The following FCHSD2 variants were observed in gnomAD, a reference collection of about 807,000 sequenced individuals.
FCHSD2 encodes F-BAR and double SH3 domains protein 2.
A neutral mutation model predicts 108.1 loss-of-function variants in FCHSD2; 38 were observed. That is an observed-to-expected ratio of 0.35 (90% CI 0.27 to 0.46). FCHSD2 has a LOEUF of 0.46. Among genes scored for constraint, FCHSD2 ranks in the 20% least tolerant of loss-of-function variants. The pLI, the probability that FCHSD2 is intolerant of heterozygous loss-of-function variation, is 1.00. For synonymous variants in FCHSD2, 279 were observed against 314.7 expected, an observed-to-expected ratio of 0.89 and a Z score of 1.20; for missense variants, 751 against 897.8, an observed-to-expected ratio of 0.84 and a Z score of 2.09.
intron 4 of FCHSD2, among the ~76,000 whole-genome samples, chr11:73,011,045 T>C (rs1305319042): frequency 4.6e-5 from 7 of 152,114 alleles, no homozygotes; most frequent in Non-Finnish European, 7.4e-5. Flanking sequence ...GCTGTGATTG[T>C]AGTGGCAGGG....
chr11:73,021,698 C>T (rs971276132), intron 3 of FCHSD2, among the ~76,000 whole-genome samples: 9 of 151,730 alleles, frequency 5.9e-5, no homozygotes, highest in African/African-American at 2.2e-4. Context: ...ACATGTTACC[C>T]AAATTTAAAA....
chr11:72,944,721 T>G (rs984627522), intron 8 of FCHSD2, among the ~76,000 whole-genome samples: 4 of 152,300 alleles, frequency 2.6e-5, no homozygotes, highest in Admixed American at 2.0e-4. Context: ...ACAAAATCGA[T>G]GTGCAAAAAT....
chr11:73,141,019 G>A (rs1461852322), intron 1 of FCHSD2, among the ~76,000 whole-genome samples: 1 of 152,216 alleles, frequency 6.6e-6, no homozygotes, highest in Non-Finnish European at 1.5e-5. Flanking sequence ...TGCCCACGAG[G>A]GGAGGACAGA....
At chr11:72,993,085 A>C (rs2135409051) in intron 5 of FCHSD2, among the ~76,000 whole-genome samples, 1 of 152,304 alleles carries the variant, frequency 6.6e-6, no homozygotes, top group Middle Eastern at 3.4e-3. Context: ...AACCCCATCA[A>C]AAAGTGGGCA....
intron 2 of FCHSD2, among the ~76,000 whole-genome samples, chr11:73,101,444 T>C (rs1860223431): frequency 6.6e-6 from 1 of 152,108 alleles, no homozygotes; most frequent in Non-Finnish European, 1.5e-5. Flanking sequence ...GTTGTTGTTG[T>C]TGTTGCTGTT....
chr11:73,065,590 T>C (rs902253637), intron 3 of FCHSD2, among the ~76,000 whole-genome samples: 1 of 152,194 alleles, frequency 6.6e-6, no homozygotes, highest in Non-Finnish European at 1.5e-5. Flanking sequence ...GATGACATGA[T>C]TGCATATTTA....
intron 13 of FCHSD2, among the ~76,000 whole-genome samples, chr11:72,864,922 G>A (rs954354494): frequency 2.0e-5 from 3 of 152,156 alleles, no homozygotes; most frequent in African/African-American, 7.2e-5. Context: ...TGTGTCAGTG[G>A]ACTGTTCTCC....
intron 8 of FCHSD2, among the ~76,000 whole-genome samples, chr11:72,961,535 C>A (rs565362249): frequency 6.6e-6 from 1 of 152,102 alleles, no homozygotes; most frequent in African/African-American, 2.4e-5. Flanking sequence ...TGATTACAGG[C>A]GTGAGCCACC....
At chr11:72,992,011 C>T (rs919857854) in intron 5 of FCHSD2, among the ~76,000 whole-genome samples, 3 of 152,104 alleles carry the variant, frequency 2.0e-5, no homozygotes, top group Non-Finnish European at 4.4e-5. Flanking sequence ...TTTAGAAAAC[C>T]CCATCGTCTC....
rs1346981466 is a variant in FCHSD2 at position 72,837,084 on chromosome 11, T to C, written c.*1707A>G. The C allele has an allele frequency of 1.3e-5, 2 of 152,244 alleles. No homozygotes were observed. Among genetic ancestry groups the C allele is most frequent in the Non-Finnish European group, 1.5e-5 (1 of 68,042 alleles). 9.4% of individuals were successfully genotyped at this position (152,244 alleles called of 1,614,324 possible). On this transcript the variant is annotated 3_prime_UTR_variant, in exon 20 of 20. Transcript: ENST00000409418. ...CAAGACTGGGTGGCAAGAACTGCTC[T>C]ATTTAATAAGCATTTGAAGATTTTT...
rs575534322 is a variant in FCHSD2, at chr11:73,126,597, C to T, written c.119+13434G>A. On this transcript the variant is annotated intron_variant, in intron 2 of 19. Transcript: ENST00000409418. ...AATGGCATTTTAGCATCAACTAATA[C>T]GAACTTTTATAATATCTGTTAAATA... Among the ~76,000 whole-genome samples, 29 of 152,060 alleles carry T rather than the reference C, an allele frequency of 1.9e-4. No individual in the cohort carries two copies. The East Asian group carries it at 1.9e-3, about 10-fold the overall frequency.
intron 9 of FCHSD2, among the ~76,000 whole-genome samples, chr11:72,910,377 T>C (rs1349898630): frequency 6.6e-6 from 1 of 151,808 alleles, no homozygotes; most frequent in Non-Finnish European, 1.5e-5. Flanking sequence ...GGCGGTTTTG[T>C]CGAAAAGAAA....
chr11:73,085,801 A>T (rs914740018), intron 2 of FCHSD2, among the ~76,000 whole-genome samples: 3 of 151,370 alleles, frequency 2.0e-5, no homozygotes, highest in African/African-American at 7.3e-5. Flanking sequence ...GTTGATGTTT[A>T]AAAAAAAATG....
intron 4 of FCHSD2, among the ~76,000 whole-genome samples, chr11:73,002,243 T>A (rs943980726): frequency 6.6e-6 from 1 of 152,172 alleles, no homozygotes; most frequent in Non-Finnish European, 1.5e-5. Flanking sequence ...AAACTATGGT[T>A]TTCAACCATG....
intron 9 of FCHSD2, among the ~76,000 whole-genome samples, chr11:72,918,412 G>A (rs192032705): frequency 6.6e-5 from 10 of 152,054 alleles, no homozygotes; most frequent in Admixed American, 5.9e-4. Flanking sequence ...AGGACTTCCA[G>A]TACAATGGTT....
At chr11:72,847,769 T>C (rs926133879) in intron 14 of FCHSD2, among the ~76,000 whole-genome samples, 7 of 149,486 alleles carry the variant, frequency 4.7e-5, no homozygotes, top group African/African-American at 1.7e-4. Context: ...CTTGGCTCAC[T>C]GCAACCTCCT....
In FCHSD2 at chr11:73,016,400, T is replaced by C. The variant is rs530073736; in HGVS notation, c.166-515A>G. Among the ~76,000 whole-genome samples the C allele has an allele frequency of 2.6e-5, 4 of 152,262 alleles. No individual in the cohort carries two copies. In the East Asian group the frequency reaches 7.7e-4, roughly 29 times the overall value. On this transcript the variant is annotated intron_variant, in intron 3 of 19. Transcript: ENST00000409418. ...GGTAGAACACTACAACCTTTTTTCA[T>C]TATTGTCCAGTCCTCTCTTGTCTCC...
chr11:73,038,283 A>T (rs758353993), intron 3 of FCHSD2, among the ~76,000 whole-genome samples: 1 of 151,686 alleles, frequency 6.6e-6, no homozygotes, highest in South Asian at 2.1e-4. Context: ...TTGAAGCTGC[A>T]GTGAGCTATG....
chr11:72,921,045 A>G (rs1176528768), intron 9 of FCHSD2, among the ~76,000 whole-genome samples: 1 of 151,968 alleles, frequency 6.6e-6, no homozygotes, highest in Non-Finnish European at 1.5e-5. Context: ...CTCTCCTAAA[A>G]GTATTAGCCA....
Sources: allele counts gnomAD v4.1 joint callset (sites outside exome capture counted in the v4.1 genomes callset), GRCh38; gene constraint gnomAD v4.1.1; transcripts MANE v1.5; gene names NCBI Gene and HGNC (gene_info 2026-07-23, HGNC 2026-07-21).